PARD3B: variants seen among roughly 807,000 people sequenced by gnomAD.
PARD3B encodes par-3 family cell polarity regulator beta, also known as partitioning defective 3 homolog B.
In PARD3B, 103 loss-of-function variants were observed where a neutral mutation model predicts 130.2. That is an observed-to-expected ratio of 0.79 (90% CI 0.67 to 0.93). PARD3B has a LOEUF of 0.93. Among genes scored for constraint, PARD3B ranks in the 40% least tolerant of loss-of-function variants. The pLI is 0.00. For synonymous variants in PARD3B, 583 were observed against 553.2 expected (o/e 1.05, Z -0.76); for missense variants, 1,609 against 1,499.2 (o/e 1.07, Z -1.21).
intron 2 of PARD3B, among the ~76,000 whole-genome samples, chr2:204,859,144 A>C (rs1471248388): frequency 6.6e-6 from 1 of 152,118 alleles, no homozygotes; most frequent in Non-Finnish European, 1.5e-5. Flanking sequence ...TTTAATAGCC[A>C]ATTTTTTCTT....
At chr2:205,085,542 T>G (rs1254346682) in intron 4 of PARD3B, among the ~76,000 whole-genome samples, 1 of 152,058 alleles carries the variant, frequency 6.6e-6, no homozygotes, top group African/African-American at 2.4e-5. Flanking sequence ...TTCTTTCATA[T>G]TAAATTATAA....
At position 204,645,988 on chromosome 2, in the gene PARD3B, G is replaced by A. The variant is rs866463691; in HGVS notation, c.121-40193G>A. ...TGCTTTCTACTTCTAGCTATAATGTGTCTCTCTTCCTTCTTGTCTAAGGAT... is the reference window on the plus strand; with the variant it reads ...TGCTTTCTACTTCTAGCTATAATGTATCTCTCTTCCTTCTTGTCTAAGGAT... On this transcript the variant is annotated intron_variant, in intron 1 of 22. Transcript: ENST00000406610. Among the ~76,000 whole-genome samples, 76 of 152,102 alleles carry A rather than the reference G, an allele frequency of 5.0e-4. 1 individual carries two copies. The Middle Eastern group carries it at 0.017, about 34-fold the overall frequency.
At chr2:205,506,932 T>C (rs1266698890) in intron 21 of PARD3B, among the ~76,000 whole-genome samples, 1 of 152,206 alleles carries the variant, frequency 6.6e-6, no homozygotes, top group African/African-American at 2.4e-5. Context: ...ATCCAACTCC[T>C]CCAGACAGGC....
In PARD3B at chr2:205,345,829, A is replaced by G. The variant is rs1217907699; in HGVS notation, c.2630+44128A>G. 2.3e-5 allele frequency among the ~76,000 whole-genome samples: 2 copies of G among 88,666 alleles called. 1 individual carries two copies. The highest frequency in any genetic ancestry group is 6.3e-5 in the Non-Finnish European group (2 of 31,982). 58.2% of individuals were successfully genotyped at this position (88,666 alleles called of 152,430 possible). ...TTATGATGCTTTACAAAAATACCAT[A>G]TATGTTTTGTACTTTTAGGAAAATG... On this transcript the variant is annotated intron_variant, in intron 18 of 22. Coordinates refer to ENST00000406610, the MANE Select transcript of PARD3B (RefSeq NM_001302769.2).
At chr2:205,547,605 G>A (rs562623514) in intron 21 of PARD3B, among the ~76,000 whole-genome samples, 1 of 152,218 alleles carries the variant, frequency 6.6e-6, no homozygotes, top group African/African-American at 2.4e-5. Context: ...GCCACACAAT[G>A]CTCATATCAG....
chr2:205,129,671 G>A (rs565479414), intron 10 of PARD3B, among the ~76,000 whole-genome samples: 2 of 152,288 alleles, frequency 1.3e-5, no homozygotes, highest in Admixed American at 6.5e-5. Flanking sequence ...GCTGTTCTGC[G>A]AGCTCTGTAC....
intron 22 of PARD3B, among the ~76,000 whole-genome samples, chr2:205,587,803 C>T (rs577456774): frequency 1.0e-3 from 158 of 152,340 alleles, no homozygotes; most frequent in African/African-American, 3.7e-3. Flanking sequence ...TATTTCGTTT[C>T]CTCCCTTTTT....
intron 1 of PARD3B, among the ~76,000 whole-genome samples, chr2:204,619,793 A>G (rs2034234315): frequency 6.6e-6 from 1 of 152,174 alleles, no homozygotes; most frequent in Non-Finnish European, 1.5e-5. Flanking sequence ...TTGTTTAGAA[A>G]TAAGAGAAGG....
intron 20 of PARD3B, among the ~76,000 whole-genome samples, chr2:205,464,519 G>C (rs1450324460): frequency 6.6e-6 from 1 of 152,152 alleles, no homozygotes; most frequent in Non-Finnish European, 1.5e-5. Flanking sequence ...AGAGAGGGGG[G>C]TTAGGAATCT....
At chr2:205,065,112 A>G (rs1040232876) in intron 4 of PARD3B, among the ~76,000 whole-genome samples, 2 of 152,198 alleles carry the variant, frequency 1.3e-5, no homozygotes, top group East Asian at 3.9e-4. Flanking sequence ...CCTGGCCTCA[A>G]TAGGGCAAGC....
At chr2:205,063,700 A>G (rs750297269) in intron 4 of PARD3B, among the ~76,000 whole-genome samples, 9 of 152,214 alleles carry the variant, frequency 5.9e-5, no homozygotes, top group Non-Finnish European at 1.0e-4. Context: ...TGAGGTACAT[A>G]GAGGTTAAGT....
intron 4 of PARD3B, among the ~76,000 whole-genome samples, chr2:205,072,037 A>G (rs1442419733): frequency 6.6e-6 from 1 of 152,120 alleles, no homozygotes; most frequent in Non-Finnish European, 1.5e-5. Flanking sequence ...TTCTTCTTAA[A>G]AATATATGTA....
At chr2:204,632,416 C>T (rs746442116) in intron 1 of PARD3B, among the ~76,000 whole-genome samples, 1 of 152,168 alleles carries the variant, frequency 6.6e-6, no homozygotes, top group African/African-American at 2.4e-5. Context: ...CTGATTCTTT[C>T]TTATCTTTGT....
chr2:205,334,022 A>T (rs2105784242), intron 18 of PARD3B, among the ~76,000 whole-genome samples: 1 of 152,336 alleles, frequency 6.6e-6, no homozygotes, highest in Middle Eastern at 3.4e-3. Flanking sequence ...TGGAAAATGT[A>T]GACCTCTTTT....
rs565725362 is a variant in PARD3B at position 204,609,190 on chromosome 2, G to A, written c.120+63071G>A. 3.9e-5 allele frequency among the ~76,000 whole-genome samples: 6 copies of A among 152,272 alleles called. No homozygotes were observed. The East Asian group carries it at 9.6e-4, about 24-fold the overall frequency. ...GATTTTTAAAATTAAGTCTTTGAGT[G>A]TATCAAGTTAAAGCATAATGTATTC... On this transcript the variant is annotated intron_variant, in intron 1 of 22. Coordinates refer to ENST00000406610, the MANE Select transcript of PARD3B (RefSeq NM_001302769.2).
chr2:204,926,613 G>GA (rs1559266482), intron 2 of PARD3B, among the ~76,000 whole-genome samples: 2 of 151,720 alleles, frequency 1.3e-5, no homozygotes, highest in Non-Finnish European at 2.9e-5. Flanking sequence ...ATCCGTGACA[G>GA]CATTTTACCC....
At chr2:204,595,922 G>A (rs1294907124) in intron 1 of PARD3B, among the ~76,000 whole-genome samples, 2 of 152,180 alleles carry the variant, frequency 1.3e-5, no homozygotes, top group Non-Finnish European at 2.9e-5. Context: ...CATTCATTCA[G>A]CAAACTTCTT....
rs1374607609 is a variant in PARD3B, at chr2:204,906,018, GACA to G, written c.223-59129_223-59127del. On this transcript the variant is annotated intron_variant, in intron 2 of 22. Coordinates refer to ENST00000406610, the MANE Select transcript of PARD3B (RefSeq NM_001302769.2). The surrounding 1 kb of genome is among the most constrained non-coding windows in gnomAD (Gnocchi z 4.3). ...CGGATTTGGAAGGCAAAGGGAACAG[GACA>G]ACAAGGGTAGTTGTAGCCATTACTT... Among the ~76,000 whole-genome samples the G allele has an allele frequency of 6.6e-6, 1 of 152,188 alleles. No homozygotes were observed. Among genetic ancestry groups the G allele is most frequent in the African/African-American group, 2.4e-5 (1 of 41,446 alleles).
At chr2:204,724,542 G>A (rs1034312124) in intron 2 of PARD3B, among the ~76,000 whole-genome samples, 4 of 151,964 alleles carry the variant, frequency 2.6e-5, no homozygotes, top group African/African-American at 4.8e-5. Flanking sequence ...GGGTGACCTC[G>A]GTCATCAGTG....
Sources: gnomAD v4.1 joint callset for allele counts (sites outside exome capture counted in the v4.1 genomes callset) on GRCh38, gnomAD v4.1.1 for gene constraint, Gnocchi (gnomAD v3.1) non-coding constraint, MANE v1.5 for transcripts, NCBI Gene and HGNC (gene_info 2026-07-23, HGNC 2026-07-21) for gene names.